SUGCT: variants seen among roughly 807,000 people sequenced by gnomAD.
SUGCT encodes the protein succinyl-CoA:glutarate-CoA transferase.
SUGCT carries 41 observed loss-of-function variants against 55.0 expected under a neutral mutation model. The observed-to-expected ratio is 0.74, with a 90% CI of 0.58 to 0.97. The LOEUF is 0.97. SUGCT is among the 50% of genes least tolerant of loss of function. SUGCT has a pLI of 0.00. For missense variants in SUGCT, 568 were observed against 547.8 expected (o/e 1.04, Z -0.37); for synonymous variants, 187 against 200.4 (o/e 0.93, Z 0.56).
chr7:40,597,244 A>G (rs1283353089), intron 12 of SUGCT, among the ~76,000 whole-genome samples: 1 of 152,214 alleles, frequency 6.6e-6, no homozygotes, highest in Admixed American at 6.5e-5. Context: ...ATTATTTATC[A>G]AACAGGGAAT....
chr7:40,887,983 T>C, the SUGCT span, among the ~76,000 whole-genome samples: 1 of 125,498 alleles, frequency 8.0e-6, no homozygotes, highest in Non-Finnish European at 1.7e-5. Context: ...GCACTAAGCA[T>C]TCTACATGCA....
intron 12 of SUGCT, among the ~76,000 whole-genome samples, chr7:40,622,551 T>TTC (rs1554388211): frequency 2.1e-5 from 3 of 142,342 alleles, no homozygotes; most frequent in South Asian, 2.3e-4. Flanking sequence ...TTTTTTTTTT[T>TTC]CATCTTCTGA....
intron 1 of SUGCT, among the ~76,000 whole-genome samples, chr7:40,141,091 A>G (rs976843291): frequency 7.3e-5 from 11 of 150,196 alleles, no homozygotes; most frequent in Admixed American, 3.3e-4. Context: ...TAGGTGTTTT[A>G]TTTTTTTGTA....
the SUGCT span, among the ~76,000 whole-genome samples, chr7:41,013,857 A>G: frequency 6.6e-6 from 1 of 152,014 alleles, no homozygotes; most frequent in Non-Finnish European, 1.5e-5. Context: ...CAACATGCAG[A>G]TAACTGGAGT....
chr7:40,357,489 G>T (rs191092621), intron 9 of SUGCT, among the ~76,000 whole-genome samples: 4 of 152,190 alleles, frequency 2.6e-5, no homozygotes, highest in Non-Finnish European at 4.4e-5. Context: ...TGATTGTGTC[G>T]CTGTGATTTG....
intron 12 of SUGCT, among the ~76,000 whole-genome samples, chr7:40,572,541 G>A (rs1389809177): frequency 6.6e-6 from 1 of 152,076 alleles, no homozygotes; most frequent in Non-Finnish European, 1.5e-5. Context: ...CCAGCAAGTA[G>A]TGAAAATTAT....
chr7:40,380,669 A>G (rs191993873), intron 9 of SUGCT, among the ~76,000 whole-genome samples: 38 of 152,322 alleles, frequency 2.5e-4, no homozygotes, highest in African/African-American at 6.0e-4. Flanking sequence ...TTCCGTCTCT[A>G]TAATGCGTGT....
intron 13 of SUGCT, among the ~76,000 whole-genome samples, chr7:40,851,237 C>T (rs1001143210): frequency 2.0e-5 from 3 of 152,222 alleles, no homozygotes; most frequent in Admixed American, 1.3e-4. Flanking sequence ...TTGCATCTGT[C>T]GTGTGCCCTT....
At chr7:40,755,382 T>C (rs1175158198) in intron 13 of SUGCT, among the ~76,000 whole-genome samples, 1 of 152,194 alleles carries the variant, frequency 6.6e-6, no homozygotes, top group Non-Finnish European at 1.5e-5. Flanking sequence ...ATTACAGAAA[T>C]TTAAAAAGCA....
intron 1 of SUGCT, among the ~76,000 whole-genome samples, chr7:40,141,134 G>A (rs774797902): frequency 2.0e-5 from 3 of 150,066 alleles, no homozygotes; most frequent in Non-Finnish European, 3.0e-5. Flanking sequence ...TCTTGGTTTC[G>A]TCCTCGGGTA....
chr7:40,692,542 G>A (rs1306325489), intron 12 of SUGCT, among the ~76,000 whole-genome samples: 3 of 152,140 alleles, frequency 2.0e-5, no homozygotes, highest in Non-Finnish European at 4.4e-5. Flanking sequence ...CCTTCCTGGA[G>A]GTGAAACTGG....
At chr7:40,242,374 A>G (rs1789465753) in intron 7 of SUGCT, among the ~76,000 whole-genome samples, 1 of 151,764 alleles carries the variant, frequency 6.6e-6, no homozygotes, top group African/African-American at 2.4e-5. Context: ...ACGGGGTTTC[A>G]CCATGTTGAG....
chr7:40,802,087 A>G (rs566102967), intron 13 of SUGCT, among the ~76,000 whole-genome samples: 1 of 152,262 alleles, frequency 6.6e-6, no homozygotes, highest in South Asian at 2.1e-4. Context: ...GTGACTTGAA[A>G]TGGAGTACAA....
At chr7:40,892,323 C>T in the SUGCT span, among the ~76,000 whole-genome samples, 12 of 151,824 alleles carry the variant, frequency 7.9e-5, no homozygotes, top group South Asian at 2.1e-4. Flanking sequence ...GTAAGCCTCA[C>T]GATAACCACA....
intron 9 of SUGCT, among the ~76,000 whole-genome samples, chr7:40,370,693 C>A (rs1364339660): frequency 6.6e-6 from 1 of 151,362 alleles, no homozygotes; most frequent in East Asian, 1.9e-4. Context: ...AATGTGGTAT[C>A]TCTTGGTTTT....
At chr7:40,245,894 A>T (rs573328003) in intron 7 of SUGCT, among the ~76,000 whole-genome samples, 1 of 151,998 alleles carries the variant, frequency 6.6e-6, no homozygotes, top group East Asian at 1.9e-4. Context: ...CCCAGGCTGG[A>T]GTGCAGTGGT....
intron 12 of SUGCT, among the ~76,000 whole-genome samples, chr7:40,741,479 T>C (rs1364307977): frequency 6.6e-6 from 1 of 152,124 alleles, no homozygotes; most frequent in African/African-American, 2.4e-5. Flanking sequence ...ACTCTGATAA[T>C]ATTAAGTTTT....
the SUGCT span, among the ~76,000 whole-genome samples, chr7:40,930,685 T>C: frequency 6.6e-6 from 1 of 152,342 alleles, no homozygotes; most frequent in Non-Finnish European, 1.5e-5. Flanking sequence ...TTGAAGCAAT[T>C]GTGAATGGGA....
At chr7:40,326,891 T>G (rs1796051197) in intron 9 of SUGCT, among the ~76,000 whole-genome samples, 1 of 152,228 alleles carries the variant, frequency 6.6e-6, no homozygotes, top group South Asian at 2.1e-4. Flanking sequence ...GAGATTTCTC[T>G]TTTGGTTTTA....
Sources: allele counts gnomAD v4.1 joint callset (sites outside exome capture counted in the v4.1 genomes callset), GRCh38; gene constraint gnomAD v4.1.1; transcripts MANE v1.5; gene names NCBI Gene and HGNC (gene_info 2026-07-23, HGNC 2026-07-21).